KATNA1: variants seen among roughly 807,000 people sequenced by gnomAD.
KATNA1 encodes katanin catalytic subunit A1, also known as katanin p60 ATPase-containing subunit A1.
KATNA1 carries 42 observed loss-of-function variants against 62.6 expected under a neutral mutation model. That is an observed-to-expected ratio of 0.67 (90% confidence interval 0.52 to 0.87). The LOEUF (loss-of-function observed/expected upper bound fraction) is 0.87, where lower values mean the gene tolerates loss of function less well. KATNA1 is among the 40% of genes least tolerant of loss of function. The probability of loss-of-function intolerance (pLI) is 0.00; values close to 1 mark genes in which losing one functional copy is unlikely to be tolerated. For synonymous variants in KATNA1, 186 were observed against 201.9 expected, an observed-to-expected ratio of 0.92 and a Z score of 0.67; for missense variants, 498 against 612.5, an observed-to-expected ratio of 0.81 and a Z score of 1.97.
chr6:149,632,070 T>C (rs1779861375), intron 3 of KATNA1, among the ~76,000 whole-genome samples: 1 of 152,214 alleles, frequency 6.6e-6, no homozygotes, highest in Admixed American at 6.5e-5. Context: ...GAACCACTGT[T>C]AGTCTAACTT....
intron 4 of KATNA1, among the ~76,000 whole-genome samples, chr6:149,611,373 A>G (rs1409127412): frequency 6.6e-6 from 1 of 151,124 alleles, no homozygotes; most frequent in African/African-American, 2.4e-5. Flanking sequence ...GAGGCAGGAG[A>G]ATCACTTGAA....
chr6:149,602,386 A>G (rs1172969555), intron 6 of KATNA1, among the ~76,000 whole-genome samples: 1 of 151,708 alleles, frequency 6.6e-6, no homozygotes, highest in East Asian at 1.9e-4. Context: ...CAAAATACAT[A>G]TATATATATA....
At chr6:149,618,155 G>GAA (rs548492724) in intron 4 of KATNA1, among the ~76,000 whole-genome samples, 13 of 88,008 alleles carry the variant, frequency 1.5e-4, no homozygotes, top group African/African-American at 5.0e-4. Flanking sequence ...CTCCATCTCA[G>GAA]AAAAAAAAAA....
chr6:149,605,630 G>A (rs1324114620), intron 4 of KATNA1, among the ~76,000 whole-genome samples: 3 of 152,154 alleles, frequency 2.0e-5, no homozygotes, highest in Admixed American at 6.6e-5. Flanking sequence ...GCAAACTCAC[G>A]AGGTATTGTG....
chr6:149,598,542 G>A (rs897473725), intron 7 of KATNA1, among the ~76,000 whole-genome samples, 192 bp from the exon 8 acceptor site: 10 of 151,948 alleles, frequency 6.6e-5, no homozygotes, highest in Non-Finnish European at 1.3e-4. Flanking sequence ...GGGCAACATA[G>A]CAAGACTCCA....
At chr6:149,640,436 C>T (rs1044883460) in intron 1 of KATNA1, among the ~76,000 whole-genome samples, 1 of 151,902 alleles carries the variant, frequency 6.6e-6, no homozygotes, top group Admixed American at 6.6e-5. Context: ...CCAGCCTGGG[C>T]AACAGAGACA....
At chr6:149,611,619 T>C (rs775469089) in intron 4 of KATNA1, among the ~76,000 whole-genome samples, 4 of 152,006 alleles carry the variant, frequency 2.6e-5, no homozygotes, top group Non-Finnish European at 5.9e-5. Flanking sequence ...CTAGCAATAC[T>C]GACAATGCAA....
At chr6:149,633,143 GC>G (rs1779917871) in intron 2 of KATNA1, among the ~76,000 whole-genome samples, 1 of 118,298 alleles carries the variant, frequency 8.5e-6, no homozygotes, top group Non-Finnish European at 1.6e-5. Context: ...TCACTCTGTC[GC>G]CCAGGCTGGA....
At position 149,601,311 on chromosome 6, in the gene KATNA1, A is replaced by T. The variant is rs76090584; in HGVS notation, c.888+283T>A. ...ATATTATAACTAAACCTATTGATTT[A>T]AAAAACATAATTTCAGATTCCTACA... On this transcript the variant is annotated intron_variant, in intron 7 of 10. Transcript: ENST00000367411. 3.4e-3 allele frequency among the ~76,000 whole-genome samples: 514 copies of T among 152,324 alleles called. 5 individuals are homozygous for T. Among genetic ancestry groups the T allele is most frequent in the African/African-American group, 0.012 (497 of 41,576 alleles).
intron 10 of KATNA1, among the ~76,000 whole-genome samples, chr6:149,595,563 CAGAAG>C (rs1226519494): frequency 1.3e-5 from 2 of 151,826 alleles, no homozygotes; most frequent in Non-Finnish European, 1.5e-5. Flanking sequence ...ATCACAGAGT[CAGAAG>C]AGAAGAGAAA....
At chr6:149,638,726 C>CGTT (rs1780162791) in intron 1 of KATNA1, 166 bp from the exon 2 acceptor site, 20 of 175,320 alleles carry the variant, frequency 1.1e-4, no homozygotes, top group East Asian at 2.9e-4. Flanking sequence ...TTAAAAAAAA[C>CGTT]ATTGTTTTTT....
At chr6:149,608,856 C>A (rs1279015631) in intron 4 of KATNA1, among the ~76,000 whole-genome samples, 1 of 152,208 alleles carries the variant, frequency 6.6e-6, no homozygotes, top group Non-Finnish European at 1.5e-5. Flanking sequence ...CAGAGGCTGG[C>A]TGGGGAACCT....
intron 4 of KATNA1, among the ~76,000 whole-genome samples, chr6:149,622,208 C>G (rs1346033233): frequency 6.6e-6 from 1 of 151,512 alleles, no homozygotes; most frequent in Non-Finnish European, 1.5e-5. Context: ...TCTCGGCTCA[C>G]TGCAAGCTCC....
Position 149,632,916 on chromosome 6 carries a change from C to T in KATNA1, c.163G>A (p.Val55Ile). ...DTYLQQKWQQ[V>I]WQEINVEAKH... is the part of the protein sequence containing the mutation. ...GCTTCCACATTTATTTCCTGCCAAA[C>T]CTGATTTCAAAGAAGAAGATGGATG... The change falls in exon 3 of 11, where the codon GTT (valine) becomes ATT (isoleucine). Residue 55 changes from valine to isoleucine, a missense_variant and splice_region_variant. By Grantham distance (29) the Val-to-Ile change is conservative (BLOSUM62 3). Coordinates refer to ENST00000367411, the MANE Select transcript of KATNA1 (RefSeq NM_007044.4). The T allele has an allele frequency of 1.3e-6, 2 of 1,597,968 alleles. No homozygotes were observed. Among genetic ancestry groups the T allele is most frequent in the Non-Finnish European group, 8.5e-7 (1 of 1,175,524 alleles).
In KATNA1 at chr6:149,626,449, T is replaced by C. The variant is rs552123798; in HGVS notation, c.321-3166A>G. 6.9e-3 allele frequency among the ~76,000 whole-genome samples: 1,028 copies of C among 148,126 alleles called. 10 individuals are homozygous for C. The highest frequency in any genetic ancestry group is 0.024 in the African/African-American group (970 of 40,382). On this transcript the variant is annotated intron_variant, in intron 3 of 10. Transcript: ENST00000367411. ...AGCTGGGACTACAGGCGCCCGCCAC[T>C]GCGCCCGGCTAATTTTTTGTATTTT...
intron 4 of KATNA1, among the ~76,000 whole-genome samples, chr6:149,616,664 G>A (rs930008140): frequency 6.6e-6 from 1 of 152,132 alleles, no homozygotes; most frequent in African/African-American, 2.4e-5. Context: ...TGAGGCAGGA[G>A]AATCACTTGA....
At chr6:149,636,047 A>C (rs9322204) in intron 2 of KATNA1, among the ~76,000 whole-genome samples, 68,844 of 151,874 alleles carry the variant, frequency 0.45, 16,763 homozygotes, top group East Asian at 0.81. Flanking sequence ...AAGTGAGAAA[A>C]TCCATCTCAA....
chr6:149,631,610 A>C (rs1779843984), intron 3 of KATNA1: 1 of 152,142 alleles, frequency 6.6e-6, no homozygotes, highest in Admixed American at 6.6e-5. Flanking sequence ...TTGCAATGAC[A>C]AAATGTTAAA....
chr6:149,626,334 GC>G, intron 3 of KATNA1, among the ~76,000 whole-genome samples: 1 of 108,188 alleles, frequency 9.2e-6, no homozygotes, highest in Non-Finnish European at 1.7e-5. Context: ...TCGTTCTGTC[GC>G]CCAGGCGGGA....
Sources: allele counts gnomAD v4.1 joint callset (sites outside exome capture counted in the v4.1 genomes callset), GRCh38; gene constraint gnomAD v4.1.1; transcripts MANE v1.5; gene names NCBI Gene and HGNC (gene_info 2026-07-23, HGNC 2026-07-21).